Variants in LIMK1 observed in about 807,000 individuals in gnomAD.
LIMK1 encodes LIM motif-containing protein kinase.
LIMK1 carries 21 observed loss-of-function variants against 77.6 expected under a neutral mutation model. The ratio of observed to expected loss-of-function variants is 0.27; its 90% CI spans 0.19 to 0.39. The LOEUF (loss-of-function observed/expected upper bound fraction) is 0.39, where lower values mean the gene tolerates loss of function less well. Ranked by LOEUF, LIMK1 falls within the 10% of genes least tolerant of loss-of-function variation. The pLI, the probability that LIMK1 is intolerant of heterozygous loss-of-function variation, is 1.00. For missense variants in LIMK1, 696 were observed against 901.6 expected (o/e 0.77, Z 2.92); for synonymous variants, 358 against 370.0 (o/e 0.97, Z 0.37).
In LIMK1 at chr7:74,090,049, A is replaced by G. The variant is rs186027854; in HGVS notation, c.152+4205A>G. 2.6e-5 allele frequency among the ~76,000 whole-genome samples: 4 copies of G among 152,136 alleles called. No homozygotes were observed. The East Asian group carries it at 7.7e-4, about 29-fold the overall frequency. Reference sequence around the variant, plus strand: ...TCCCCAGGTCAGGGCAGTAAAGAGGAGGCATGTTTGTGCTGTCCCTGGTGT... The same window carrying G: ...TCCCCAGGTCAGGGCAGTAAAGAGGGGGCATGTTTGTGCTGTCCCTGGTGT... On this transcript the variant is annotated intron_variant, in intron 2 of 15. Transcript: ENST00000336180.
intron 12 of LIMK1, among the ~76,000 whole-genome samples, chr7:74,112,790 A>T (rs1799729008): frequency 6.6e-6 from 1 of 151,586 alleles, no homozygotes; most frequent in Non-Finnish European, 1.5e-5. Context: ...GCGCCACCGC[A>T]CTCCAGCCTG....
chr7:74,120,766 C>T (rs570945157), intron 14 of LIMK1, 126 bp from the exon 15 acceptor site: 16 of 1,535,966 alleles, frequency 1.0e-5, no homozygotes, highest in Middle Eastern at 1.7e-4. Context: ...TGGGCTGGCC[C>T]CCATGGGGTA....
intron 3 of LIMK1, 117 bp downstream of exon 3, chr7:74,096,877 G>A: frequency 7.6e-7 from 1 of 1,321,916 alleles, no homozygotes; most frequent in Non-Finnish European, 1.0e-6. Context: ...GGTCTTTGGA[G>A]CTGCTTTCTG....
intron 13 of LIMK1, among the ~76,000 whole-genome samples, chr7:74,117,721 A>G (rs1334751142): frequency 6.6e-6 from 1 of 152,098 alleles, no homozygotes; most frequent in Non-Finnish European, 1.5e-5. Context: ...AAAGCGGGAG[A>G]TTTACTTGAG....
intron 1 of LIMK1, 39 bp from the exon 2 acceptor site, chr7:74,085,709 T>G (rs1207662874): frequency 6.6e-7 from 1 of 1,517,356 alleles, no homozygotes; most frequent in Admixed American, 2.0e-5. Context: ...CAGATCACAC[T>G]TCCTGAGAAT....
At chr7:74,093,289 C>T in intron 2 of LIMK1, 1 of 1,536,002 alleles carries the variant, frequency 6.5e-7, no homozygotes, top group Non-Finnish European at 8.7e-7. Context: ...CCGCTTCCTC[C>T]AGAGGGCTAA....
chr7:74,112,097 T>A, intron 12 of LIMK1, 99 bp downstream of exon 12: 1 of 954,070 alleles, frequency 1.0e-6, no homozygotes, highest in Non-Finnish European at 1.6e-6. Flanking sequence ...CCCCTCCATG[T>A]TGCCTCCATG....
Position 74,120,985 on chromosome 7 carries a change from C to T in LIMK1, c.1717C>T (p.Pro573Ser), listed in dbSNP as rs782606961. 2.5e-6 allele frequency: 4 copies of T among 1,611,854 alleles called. No individual in the cohort carries two copies. Among genetic ancestry groups the T allele is most frequent in the South Asian group, 1.1e-5 (1 of 90,908 alleles). ...VRGFLDRYCP[P>S]NCPPSFFPIT... is the part of the protein sequence containing the mutation. ...AGGATTCCTGGACCGCTACTGCCCC[C>T]CAAACTGCCCCCCGAGCTTCTTCCC... Residue 573 changes from proline to serine, a missense_variant, in exon 15 of 16, where the codon CCA (proline) becomes TCA (serine). Physicochemically the swap from Pro to Ser is moderately conservative, Grantham distance 74 (BLOSUM62 -1). Coordinates refer to ENST00000336180, the MANE Select transcript of LIMK1 (RefSeq NM_002314.4).
chr7:74,102,947 C>T (rs1799496400), intron 5 of LIMK1, among the ~76,000 whole-genome samples: 1 of 150,874 alleles, frequency 6.6e-6, no homozygotes, highest in African/African-American at 2.4e-5. Context: ...TGGCTTATTG[C>T]AACCTCCGCC....
At position 74,110,514 on chromosome 7, in the gene LIMK1, G is replaced by GAA; in HGVS notation, c.1285-1132_1285-1131dup. On this transcript the variant is annotated intron_variant, in intron 10 of 15. Coordinates refer to ENST00000336180, the MANE Select transcript of LIMK1 (RefSeq NM_002314.4). ...TAGGTTCTAATTTTTTAAAAACCTA[G>GAA]AAAGATGAGTTTTTTGTTTTTGTTT... 3 of 152,308 alleles carry GAA rather than the reference G, an allele frequency of 2.0e-5. No homozygotes were observed. The Middle Eastern group carries it at 0.01, about 518-fold the overall frequency. 9.4% of individuals were successfully genotyped at this position (152,308 alleles called of 1,614,324 possible).
Position 74,108,921 on chromosome 7 carries a change from G to C in LIMK1, c.1169G>C (p.Cys390Ser). 2 of 1,613,942 alleles carry C rather than the reference G, an allele frequency of 1.2e-6. No homozygotes were observed. Among genetic ancestry groups the C allele is most frequent in the Non-Finnish European group, 1.7e-6 (2 of 1,179,904 alleles). The stretch of plus-strand genomic sequence containing the variant: ...CCCCGCCAGGTGAAGGTCATGCGAT[G>C]CCTGGAACACCCCAACGTGCTCAAG... Reference protein sequence around the residue: ...TFLKEVKVMRCLEHPNVLKFI... With the variant: ...TFLKEVKVMRSLEHPNVLKFI... The change falls in exon 10 of 16, where the codon TGC (cysteine) becomes TCC (serine). Residue 390 changes from cysteine to serine, a missense_variant. By Grantham distance (112) the Cys-to-Ser change is moderately radical (BLOSUM62 -1). Coordinates refer to ENST00000336180, the MANE Select transcript of LIMK1 (RefSeq NM_002314.4).
chr7:74,099,957 C>CAAAAAAAAAAAA (rs34776706), intron 5 of LIMK1, among the ~76,000 whole-genome samples: 1 of 82,280 alleles, frequency 1.2e-5, no homozygotes, highest in Non-Finnish European at 2.5e-5. Flanking sequence ...TGCATGTCTA[C>CAAAAAAAAAAAA]AAAAAAAAAA....
At chr7:74,119,647 C>A (rs910288796) in intron 13 of LIMK1, among the ~76,000 whole-genome samples, 14 of 151,670 alleles carry the variant, frequency 9.2e-5, no homozygotes, top group Non-Finnish European at 1.8e-4. Context: ...GTGGCTCACA[C>A]CTGTAATCCC....
intron 2 of LIMK1, among the ~76,000 whole-genome samples, chr7:74,092,462 C>G (rs1799255968): frequency 6.6e-6 from 1 of 152,196 alleles, no homozygotes; most frequent in South Asian, 2.1e-4. Flanking sequence ...TGCTGCAGGC[C>G]CATGGGACCT....
At chr7:74,090,630 T>C (rs1799218621) in intron 2 of LIMK1, among the ~76,000 whole-genome samples, 1 of 152,174 alleles carries the variant, frequency 6.6e-6, no homozygotes, top group African/African-American at 2.4e-5. Flanking sequence ...GCTTGAGGCA[T>C]TGGGCCCGGC....
At chr7:74,099,282 C>A in intron 5 of LIMK1, 44 bp downstream of exon 5, 2 of 1,569,300 alleles carry the variant, frequency 1.3e-6, no homozygotes, top group Non-Finnish European at 1.7e-6. Context: ...GTGGCTATGG[C>A]TGTTGATGTG....
intron 2 of LIMK1, among the ~76,000 whole-genome samples, chr7:74,094,710 C>T (rs1465375053): frequency 1.3e-5 from 2 of 152,104 alleles, no homozygotes; most frequent in Non-Finnish European, 2.9e-5. Context: ...GTAGACCACC[C>T]CCCTCACCAA....
At chr7:74,106,362 G>T in intron 7 of LIMK1, 119 bp downstream of exon 7, 1 of 1,174,380 alleles carries the variant, frequency 8.5e-7, no homozygotes, top group Non-Finnish European at 1.2e-6. Flanking sequence ...TTGAGCCAGG[G>T]AGGTGGAGGC....
chr7:74,086,918 G>T (rs958113379), intron 2 of LIMK1, among the ~76,000 whole-genome samples: 1 of 152,160 alleles, frequency 6.6e-6, no homozygotes, highest in Non-Finnish European at 1.5e-5. Flanking sequence ...ACCAGCCCCA[G>T]TGTCCAGACA....
Sources: gnomAD v4.1 joint callset for allele counts (sites outside exome capture counted in the v4.1 genomes callset) on GRCh38, gnomAD v4.1.1 for gene constraint, MANE v1.5 for transcripts, NCBI Gene and HGNC (gene_info 2026-07-23, HGNC 2026-07-21) for gene names.